LRRC37A: variants seen among roughly 807,000 people sequenced by gnomAD.
LRRC37A encodes leucine rich repeat containing 37A.
A neutral mutation model predicts 35.4 loss-of-function variants in LRRC37A; 3 were observed. The observed-to-expected ratio is 0.08, with a 90% CI of 0.04 to 0.22. LRRC37A has a LOEUF of 0.22. Ranked by LOEUF, LRRC37A falls within the 10% of genes least tolerant of loss-of-function variation. The pLI is 1.00. For missense variants in LRRC37A, 67 were observed against 565.3 expected (o/e 0.12, Z 8.94); for synonymous variants, 23 against 215.0 (o/e 0.11, Z 7.81).
chr17:46,269,920 T>C, the LRRC37A span, among the ~76,000 whole-genome samples: 2 of 152,242 alleles, frequency 1.3e-5, no homozygotes, highest in Non-Finnish European at 2.9e-5. Context: ...GAACCAATAT[T>C]AACCAATGAC....
At chr17:46,265,952 C>G in the LRRC37A span, among the ~76,000 whole-genome samples, 3 of 152,302 alleles carry the variant, frequency 2.0e-5, no homozygotes, top group Admixed American at 6.5e-5. Flanking sequence ...CAAAAATTAG[C>G]CTGGCATGGT....
chr17:46,250,005 C>T, the LRRC37A span, among the ~76,000 whole-genome samples: 1 of 152,208 alleles, frequency 6.6e-6, no homozygotes, highest in African/African-American at 2.4e-5. Context: ...GGGGTTTCAC[C>T]ATGTTCGTCT....
chr17:46,249,030 T>C, the LRRC37A span, among the ~76,000 whole-genome samples: 19,701 of 151,824 alleles, frequency 0.13, 3 homozygotes, highest in Middle Eastern at 0.2. Context: ...TTACATACCA[T>C]TTACACTGTA....
chr17:46,293,087 G>A (rs1437353307), upstream of LRRC37A: 1 of 47,718 alleles, frequency 2.1e-5, no homozygotes, highest in African/African-American at 5.2e-5. Flanking sequence ...CTGAGTAGCT[G>A]GGATTATAGA....
the LRRC37A span, among the ~76,000 whole-genome samples, chr17:46,282,680 C>G: frequency 6.6e-6 from 1 of 152,094 alleles, no homozygotes; most frequent in African/African-American, 2.4e-5. Flanking sequence ...ACTCGGCTTC[C>G]CAAAGTACTG....
the LRRC37A span, among the ~76,000 whole-genome samples, chr17:46,257,861 A>T: frequency 6.6e-6 from 1 of 152,086 alleles, no homozygotes; most frequent in Non-Finnish European, 1.5e-5. Context: ...GCAGCTTAAA[A>T]CAAAAAACAT....
At chr17:46,260,253 C>T in the LRRC37A span, 1 of 1,528,600 alleles carries the variant, frequency 6.5e-7, no homozygotes, top group Non-Finnish European at 8.8e-7. Flanking sequence ...AGGACGGCCG[C>T]AGCGGGTGGT....
chr17:46,268,636 G>T, the LRRC37A span: 1 of 1,553,536 alleles, frequency 6.4e-7, no homozygotes, highest in East Asian at 2.5e-5. Context: ...TATGTGAAAA[G>T]GTTTAACCCA....
At chr17:46,280,569 CTT>C in the LRRC37A span, among the ~76,000 whole-genome samples, 14 of 112,006 alleles carry the variant, frequency 1.2e-4, no homozygotes, top group East Asian at 2.4e-4. Flanking sequence ...TGATAGCACA[CTT>C]TTTTTTTTTT....
the LRRC37A span, among the ~76,000 whole-genome samples, chr17:46,274,385 G>A: frequency 2.0e-5 from 3 of 152,226 alleles, no homozygotes; most frequent in Non-Finnish European, 2.9e-5. Context: ...CTGTAGTCCA[G>A]GACCACTTAG....
At chr17:46,287,748 G>T (rs76415878), upstream of LRRC37A, among the ~76,000 whole-genome samples, 2 of 151,950 alleles carry the variant, frequency 1.3e-5, no homozygotes, top group African/African-American at 4.8e-5. Flanking sequence ...GTATGGGGAA[G>T]GATGCAAAGA....
chr17:46,285,836 A>C, the LRRC37A span, among the ~76,000 whole-genome samples: 1 of 152,230 alleles, frequency 6.6e-6, no homozygotes, highest in East Asian at 1.9e-4. Context: ...AAATCCTAGA[A>C]ATGCTTCCAA....
the LRRC37A span, among the ~76,000 whole-genome samples, chr17:46,263,871 A>AGAGAG: frequency 6.8e-6 from 1 of 146,606 alleles, no homozygotes; most frequent in Non-Finnish European, 1.5e-5. Flanking sequence ...AAAAAAAAAA[A>AGAGAG]AAAGAGAGAG....
the LRRC37A span, among the ~76,000 whole-genome samples, chr17:46,259,017 C>CTTTTTTTTT: frequency 1.2e-4 from 3 of 24,936 alleles, no homozygotes; most frequent in Non-Finnish European, 2.8e-4. Flanking sequence ...CGCACCCGGC[C>CTTTTTTTTT]TATTTTTTTT....
chr17:46,264,146 C>CTTTTTT, the LRRC37A span, among the ~76,000 whole-genome samples: 280 of 138,724 alleles, frequency 2.0e-3, 1 homozygote, highest in Middle Eastern at 8.5e-3. Context: ...CCTCAGCTGA[C>CTTTTTT]TTTTTTTTTT....
At chr17:46,277,939 G>C in the LRRC37A span, among the ~76,000 whole-genome samples, 5 of 151,566 alleles carry the variant, frequency 3.3e-5, no homozygotes, top group African/African-American at 1.2e-4. Flanking sequence ...ACCATGCCTG[G>C]TCTGGGTAGA....
At chr17:46,254,395 GTATT>G in the LRRC37A span, among the ~76,000 whole-genome samples, 16,761 of 147,550 alleles carry the variant, frequency 0.11, 1,065 homozygotes, top group East Asian at 0.3. Context: ...GCCATTTATT[GTATT>G]TATTTATTTA....
chr17:46,330,975 C>A lies in LRRC37A; in HGVS notation c.3698C>A (p.Thr1233Asn). 2 of 724,844 alleles carry A rather than the reference C, an allele frequency of 2.8e-6. 1 individual carries two copies. Among genetic ancestry groups the A allele is most frequent in the Non-Finnish European group, 4.1e-6 (2 of 484,088 alleles). The allele number at this position is 724,844 out of a possible 1,614,324, so 44.9% of individuals were successfully genotyped here. The stretch of plus-strand genomic sequence containing the variant: ...AAGTTAGCGGGAAACGCCGTCTACA[C>A]CAAGCCTTCGTTCACCCAAGAGCAT... Residue 1233 changes from threonine to asparagine, a missense_variant, in exon 9 of 14, where the codon ACC (threonine) becomes AAC (asparagine). Physicochemically the swap from Thr to Asn is moderately conservative, Grantham distance 65. Coordinates refer to ENST00000320254, the Ensembl canonical transcript of LRRC37A.
the LRRC37A span, among the ~76,000 whole-genome samples, chr17:46,281,660 T>C: frequency 6.6e-6 from 1 of 152,166 alleles, no homozygotes; most frequent in East Asian, 1.9e-4. Context: ...TTTTTCTTCT[T>C]CTTTTGTGAG....
Sources: gnomAD v4.1 joint callset for allele counts (sites outside exome capture counted in the v4.1 genomes callset) on GRCh38, gnomAD v4.1.1 for gene constraint, MANE v1.5 for transcripts, NCBI Gene and HGNC (gene_info 2026-07-23, HGNC 2026-07-21) for gene names.